Variants in MNT observed in about 807,000 individuals in gnomAD.
MNT encodes MAX network transcriptional repressor, also known as max-binding protein MNT.
MNT carries 13 observed loss-of-function variants against 40.7 expected under a neutral mutation model. The observed-to-expected ratio is 0.32, with a 90% CI of 0.21 to 0.51. The LOEUF (loss-of-function observed/expected upper bound fraction) is 0.51, where lower values mean the gene tolerates loss of function less well. Among genes scored for constraint, MNT ranks in the 20% least tolerant of loss-of-function variants. The probability of loss-of-function intolerance (pLI) is 0.98; values close to 1 mark genes in which losing one functional copy is unlikely to be tolerated. For synonymous variants in MNT, 426 were observed against 354.8 expected (o/e 1.20, Z -2.26); for missense variants, 757 against 792.0 (o/e 0.96, Z 0.53).
At chr17:2,394,277 G>GCACACGCACACACACACACA (rs1555611877) in intron 3 of MNT, 28 bp downstream of exon 3, 2 of 1,489,246 alleles carry the variant, frequency 1.3e-6, no homozygotes, top group Admixed American at 4.1e-5. Flanking sequence ...ACGCACGCAC[G>GCACACGCACACACACACACA]CACACACACA....
intron 1 of MNT, among the ~76,000 whole-genome samples, chr17:2,400,142 G>A (rs1236313558): frequency 1.3e-5 from 2 of 152,216 alleles, no homozygotes; most frequent in Non-Finnish European, 2.9e-5. Flanking sequence ...TCCGCGTAGA[G>A]TAGTCCCCAC....
In MNT at chr17:2,400,849, C is replaced by T. The variant is rs2066610515; in HGVS notation, c.-137G>A. Reference sequence around the variant, plus strand: ...GGGCTGGGCGGCGCAGCGCACTCCGCAGGGAAGAACGGGGGAGCACGGGGA... The same window carrying T: ...GGGCTGGGCGGCGCAGCGCACTCCGTAGGGAAGAACGGGGGAGCACGGGGA... On this transcript the variant is annotated 5_prime_UTR_variant, in exon 1 of 6. Transcript: ENST00000174618. 1 of 521,400 alleles carries T rather than the reference C, an allele frequency of 1.9e-6. No individual in the cohort carries two copies. Among genetic ancestry groups the T allele is most frequent in the Non-Finnish European group, 3.2e-6 (1 of 312,504 alleles). The allele number at this position is 521,400 out of a possible 1,614,324, so 32.3% of individuals were successfully genotyped here.
rs2066482664 is a variant in MNT, at chr17:2,388,026, T to C, written c.831A>G (p.Glu277=). The change falls in exon 5 of 6, where the codon GAA becomes GAG. Residue 277 remains glutamate, a synonymous_variant. Coordinates refer to ENST00000174618, the MANE Select transcript of MNT (RefSeq NM_020310.3). The stretch of plus-strand genomic sequence containing the variant: ...CCAGCCGCTCCATTTCATGCTCATA[T>C]TCCTTCTCCTTCCTCTTCAGGGACT... ...YIQSLKRKEK[E]YEHEMERLAR... 1 of 1,561,088 alleles carries C rather than the reference T, an allele frequency of 6.4e-7. No individual in the cohort carries two copies. Among genetic ancestry groups the C allele is most frequent in the African/African-American group, 1.4e-5 (1 of 73,552 alleles).
chr17:2,394,097 A>T lies in MNT; in HGVS notation c.753T>A (p.Asp251Glu). The change falls in exon 4 of 6, where the codon GAT becomes GAA. Residue 251 changes from aspartate (D) to glutamate (E), a missense_variant. Transcript: ENST00000174618. ...CGCTCAGATTGGACGTCTTCTTGTC[A>T]TCCACGTTGGGGATGTTCCGCTTCA... The part of the protein sequence containing the change: ...ETLKRNIPNV[D>E]DKKTSNLSVL... The T allele has an allele frequency of 1.2e-6, 2 of 1,609,174 alleles. No homozygotes were observed. Among genetic ancestry groups the T allele is most frequent in the Non-Finnish European group, 1.7e-6 (2 of 1,177,968 alleles).
Position 2,394,100 on chromosome 17 carries a change from C to G in MNT, c.750G>C (p.Val250=). 1 of 1,609,298 alleles carries G rather than the reference C, an allele frequency of 6.2e-7. No individual in the cohort carries two copies. Among genetic ancestry groups the G allele is most frequent in the Non-Finnish European group, 8.5e-7 (1 of 1,178,008 alleles). ...TCAGATTGGACGTCTTCTTGTCATC[C>G]ACGTTGGGGATGTTCCGCTTCAGGG... ...FETLKRNIPN[V]DDKKTSNLSV... is the part of the protein sequence containing the mutation. The change falls in exon 4 of 6, where the codon GTG becomes GTC. Residue 250 remains valine (V), a synonymous_variant. Coordinates refer to ENST00000174618, the MANE Select transcript of MNT (RefSeq NM_020310.3).
At position 2,387,228 on chromosome 17, in the gene MNT, G is replaced by A; in HGVS notation, c.1422C>T (p.Ala474=). The A allele has an allele frequency of 1.2e-6, 2 of 1,611,574 alleles. No individual in the cohort carries two copies. Among genetic ancestry groups the A allele is most frequent in the Non-Finnish European group, 1.7e-6 (2 of 1,179,198 alleles). Residue 474 remains alanine (A), a synonymous_variant, in exon 6 of 6, where the codon GCC becomes GCT. Transcript: ENST00000174618. ...GCGCCAGTTGCACCGCAGGGCTGGGGGCCGAGGGGGCGATGTGGGCGATGT... is the reference window on the plus strand; with the variant it reads ...GCGCCAGTTGCACCGCAGGGCTGGGAGCCGAGGGGGCGATGTGGGCGATGT... ...GKHIAHIAPS[A]PSPAVQLAPA... is the part of the protein sequence containing the mutation.
chr17:2,395,199 G>A lies in MNT; in HGVS notation c.329C>T (p.Ala110Val). 6.8e-7 allele frequency: 1 copy of A among 1,462,408 alleles called. No homozygotes were observed. Among genetic ancestry groups the A allele is most frequent in the Non-Finnish European group, 9.0e-7 (1 of 1,111,258 alleles). The allele number at this position is 1,462,408 out of a possible 1,614,324, so 90.6% of individuals were successfully genotyped here. The change falls in exon 2 of 6, where the codon GCA (alanine) becomes GTA (valine). Residue 110 changes from alanine to valine, a missense_variant. By Grantham distance (64) the Ala-to-Val change is moderately conservative (BLOSUM62 0). Coordinates refer to ENST00000174618, the MANE Select transcript of MNT (RefSeq NM_020310.3). Reference sequence around the variant, plus strand: ...AGGCGCCAGGGGCAGAGGCTGGGCTGCCGCGGGCAAGGGTGGGGGTGGGGG... The same window carrying A: ...AGGCGCCAGGGGCAGAGGCTGGGCTACCGCGGGCAAGGGTGGGGGTGGGGG... ...PLPPPPPLPA[A>V]AQPLPLAPRQ...
rs185455119 is a variant in MNT at position 2,388,029 on chromosome 17, C to A, written c.828G>T (p.Lys276Asn). The A allele has an allele frequency of 6.4e-6, 10 of 1,561,070 alleles. No individual in the cohort carries two copies. Among genetic ancestry groups the A allele is most frequent in the Non-Finnish European group, 8.7e-6 (10 of 1,151,184 alleles). The change falls in exon 5 of 6, where the codon AAG (lysine) becomes AAT (asparagine). Residue 276 changes from lysine (K) to asparagine (N), a missense_variant. Physicochemically the swap from Lys to Asn is moderately conservative, Grantham distance 94. Coordinates refer to ENST00000174618, the MANE Select transcript of MNT (RefSeq NM_020310.3). ...GCCGCTCCATTTCATGCTCATATTC[C>A]TTCTCCTTCCTCTTCAGGGACTGGC... is the stretch of plus-strand genomic sequence containing the variant. ...RYIQSLKRKE[K>N]EYEHEMERLA... is the part of the protein sequence containing the mutation.
intron 1 of MNT, among the ~76,000 whole-genome samples, chr17:2,397,561 A>ATGG (rs1199730105): frequency 1.3e-5 from 2 of 152,074 alleles, no homozygotes; most frequent in Non-Finnish European, 2.9e-5. Context: ...GCAATCCCAA[A>ATGG]GCTCACCTGG....
At chr17:2,398,953 G>T (rs2066595499) in intron 1 of MNT, among the ~76,000 whole-genome samples, 1 of 151,902 alleles carries the variant, frequency 6.6e-6, no homozygotes, top group Non-Finnish European at 1.5e-5. Context: ...CGGTCGCCCC[G>T]ACTAGGCCGC....
At chr17:2,390,536 T>G (rs1173820051) in intron 4 of MNT, 1 of 152,164 alleles carries the variant, frequency 6.6e-6, no homozygotes, top group Non-Finnish European at 1.5e-5. Flanking sequence ...AGAGTTTGAC[T>G]AATGCCTGAT....
chr17:2,388,481 A>G (rs138943389), intron 4 of MNT, among the ~76,000 whole-genome samples: 1 of 152,210 alleles, frequency 6.6e-6, no homozygotes, highest in Non-Finnish European at 1.5e-5. Context: ...TTGCACGATG[A>G]GCCACTAGGC....
At chr17:2,398,723 G>A (rs2066593547) in intron 1 of MNT, among the ~76,000 whole-genome samples, 1 of 152,202 alleles carries the variant, frequency 6.6e-6, no homozygotes, top group Non-Finnish European at 1.5e-5. Flanking sequence ...GCGGCAGCAG[G>A]TGACTTAATC....
rs1294223076 is a variant in MNT, at chr17:2,384,821, T to TCATTC, written c.*2075_*2079dup. Reference sequence around the variant, plus strand: ...CCCATCGTCACCAATCTGGACATAGTCATTCGGCACTAGATTTGCAGGCCC... The same window carrying TCATTC: ...CCCATCGTCACCAATCTGGACATAGTCATTCCATTCGGCACTAGATTTGCAGGCCC... On this transcript the variant is annotated 3_prime_UTR_variant, in exon 6 of 6. Coordinates refer to ENST00000174618, the MANE Select transcript of MNT (RefSeq NM_020310.3). The TCATTC allele has an allele frequency of 1.0e-4, 16 of 152,458 alleles. No homozygotes were observed. Among genetic ancestry groups the TCATTC allele is most frequent in the African/African-American group, 3.9e-4 (16 of 41,308 alleles). The allele number at this position is 152,458 out of a possible 1,614,324, so 9.4% of individuals were successfully genotyped here. A position where few individuals can be genotyped will look rare whatever the true frequency, so the allele number is the denominator to read the frequency against.
At chr17:2,397,969 C>T (rs180943312) in intron 1 of MNT, among the ~76,000 whole-genome samples, 1 of 152,382 alleles carries the variant, frequency 6.6e-6, no homozygotes, top group East Asian at 1.9e-4. Context: ...AAGGCTTCCG[C>T]CCACAGTCAA....
At chr17:2,395,901 G>GC (rs1055207139) in intron 1 of MNT, among the ~76,000 whole-genome samples, 8 of 152,216 alleles carry the variant, frequency 5.3e-5, no homozygotes, top group East Asian at 3.9e-4. Flanking sequence ...ACACCAGAGG[G>GC]GGGGGTGTGC....
intron 3 of MNT, 60 bp downstream of exon 3, chr17:2,394,245 C>T (rs2066554708): frequency 1.3e-6 from 2 of 1,587,868 alleles, no homozygotes; most frequent in Non-Finnish European, 1.7e-6. Flanking sequence ...CCGAGGGCCG[C>T]CGGGGCCCGG....
intron 2 of MNT, 31 bp downstream of exon 2, chr17:2,394,844 C>T (rs2066561783): frequency 6.6e-7 from 1 of 1,518,708 alleles, no homozygotes; most frequent in Non-Finnish European, 8.9e-7. Flanking sequence ...TCCTATCCCC[C>T]ACCAGCCCGA....
At chr17:2,396,905 G>A (rs1050886998) in intron 1 of MNT, 2 of 152,384 alleles carry the variant, frequency 1.3e-5, no homozygotes, top group Non-Finnish European at 2.9e-5. Context: ...GCCCCCTGGG[G>A]AGGAGAGCAC....
Sources: allele counts gnomAD v4.1 joint callset (sites outside exome capture counted in the v4.1 genomes callset), GRCh38; gene constraint gnomAD v4.1.1; transcripts MANE v1.5; gene names NCBI Gene and HGNC (gene_info 2026-07-23, HGNC 2026-07-21).